Variants in PPARGC1A observed in about 807,000 individuals in gnomAD.
PPARGC1A encodes PPARG coactivator 1 alpha, also known as peroxisome proliferator-activated receptor gamma coactivator 1-alpha.
A neutral mutation model predicts 88.7 loss-of-function variants in PPARGC1A; 25 were observed. The observed-to-expected ratio is 0.28, with a 90% CI of 0.21 to 0.39. PPARGC1A has a LOEUF of 0.39. Ranked by LOEUF, PPARGC1A falls within the 10% of genes least tolerant of loss-of-function variation. PPARGC1A has a pLI of 1.00. For missense variants in PPARGC1A, 880 were observed against 968.7 expected (o/e 0.91, Z 1.22); for synonymous variants, 363 against 355.6 (o/e 1.02, Z -0.24).
the PPARGC1A span, among the ~76,000 whole-genome samples, chr4:24,233,395 C>T: frequency 6.6e-6 from 1 of 152,014 alleles, no homozygotes; most frequent in Non-Finnish European, 1.5e-5. Context: ...CTTCCTTCTT[C>T]TCCTTCTCTC....
At chr4:24,036,618 TAA>T in the PPARGC1A span, among the ~76,000 whole-genome samples, 5 of 147,676 alleles carry the variant, frequency 3.4e-5, no homozygotes, top group Admixed American at 1.3e-4. Flanking sequence ...CTTTTTGTAG[TAA>T]AAAAAAAAAG....
At chr4:24,271,778 C>T in the PPARGC1A span, among the ~76,000 whole-genome samples, 2 of 152,148 alleles carry the variant, frequency 1.3e-5, no homozygotes, top group Admixed American at 1.3e-4. Context: ...TAGTACCTAC[C>T]TTGGAGGGGT....
intron 2 of PPARGC1A, among the ~76,000 whole-genome samples, chr4:23,862,150 G>C (rs1203492879): frequency 6.6e-6 from 1 of 152,128 alleles, no homozygotes; most frequent in African/African-American, 2.4e-5. Flanking sequence ...TGGTCAGTAG[G>C]GCATGAACTG....
chr4:24,390,791 A>T, the PPARGC1A span, among the ~76,000 whole-genome samples: 1 of 151,972 alleles, frequency 6.6e-6, no homozygotes, highest in Non-Finnish European at 1.5e-5. Flanking sequence ...TAGTAAGTGG[A>T]TTCAAGAATG....
chr4:23,916,731 A>C, the PPARGC1A span, among the ~76,000 whole-genome samples: 1 of 152,196 alleles, frequency 6.6e-6, no homozygotes, highest in Non-Finnish European at 1.5e-5. Context: ...CCAATTTGTG[A>C]AAGTGCTTTG....
intron 12 of PPARGC1A, among the ~76,000 whole-genome samples, chr4:23,799,128 G>A (rs949626610): frequency 6.6e-6 from 1 of 152,108 alleles, no homozygotes; most frequent in Non-Finnish European, 1.5e-5. Flanking sequence ...TAACCCCTGA[G>A]TCCAGTATAT....
chr4:23,997,482 T>C, the PPARGC1A span, among the ~76,000 whole-genome samples: 59 of 148,416 alleles, frequency 4.0e-4, no homozygotes, highest in African/African-American at 1.4e-3. Context: ...AATAAATATA[T>C]ATGCCAAGAA....
chr4:24,468,950 T>C, the PPARGC1A span, among the ~76,000 whole-genome samples: 1 of 149,272 alleles, frequency 6.7e-6, no homozygotes, highest in Non-Finnish European at 1.5e-5. Context: ...TGAGAGCACA[T>C]CATATTGATC....
At chr4:24,411,240 T>C in the PPARGC1A span, among the ~76,000 whole-genome samples, 1 of 152,238 alleles carries the variant, frequency 6.6e-6, no homozygotes, top group African/African-American at 2.4e-5. Flanking sequence ...CCGACTGTCC[T>C]GGGTAACTAA....
the PPARGC1A span, among the ~76,000 whole-genome samples, chr4:24,248,812 G>A: frequency 8.6e-3 from 1,306 of 152,278 alleles, 41 homozygotes; most frequent in East Asian, 0.12. Flanking sequence ...GTGCCCTTCT[G>A]GGGGTTATAA....
At chr4:24,374,952 C>A in the PPARGC1A span, among the ~76,000 whole-genome samples, 2 of 150,118 alleles carry the variant, frequency 1.3e-5, no homozygotes, top group Non-Finnish European at 2.9e-5. Context: ...ATGTTTATAG[C>A]GGCATTATTA....
intron 2 of PPARGC1A, among the ~76,000 whole-genome samples, chr4:23,844,060 A>G (rs1347788764): frequency 6.6e-6 from 1 of 151,298 alleles, no homozygotes; most frequent in African/African-American, 2.4e-5. Flanking sequence ...AGTGCCTACT[A>G]TGTACTATAA....
At chr4:24,122,430 T>TAGAG in the PPARGC1A span, among the ~76,000 whole-genome samples, 9 of 140,618 alleles carry the variant, frequency 6.4e-5, no homozygotes, top group Admixed American at 4.9e-4. Context: ...TATATATATA[T>TAGAG]ATATATAGAG....
At chr4:23,944,506 T>C in the PPARGC1A span, among the ~76,000 whole-genome samples, 1 of 152,282 alleles carries the variant, frequency 6.6e-6, no homozygotes, top group African/African-American at 2.4e-5. Context: ...GTTAAATAAA[T>C]GAGTGTATCG....
the PPARGC1A span, among the ~76,000 whole-genome samples, chr4:24,427,349 C>T: frequency 6.7e-6 from 1 of 149,726 alleles, no homozygotes; most frequent in East Asian, 2.0e-4. Context: ...GATGTAATCT[C>T]AGCTCACTGC....
At chr4:24,029,833 C>T in the PPARGC1A span, among the ~76,000 whole-genome samples, 1 of 148,970 alleles carries the variant, frequency 6.7e-6, no homozygotes, top group Non-Finnish European at 1.5e-5. Flanking sequence ...CCAGAGAAAA[C>T]ATCTCAGTGG....
At chr4:24,460,912 T>C in the PPARGC1A span, among the ~76,000 whole-genome samples, 2 of 152,204 alleles carry the variant, frequency 1.3e-5, no homozygotes, top group Non-Finnish European at 1.5e-5. Flanking sequence ...TCTTCTGACA[T>C]TGTCAACAGA....
chr4:24,106,899 C>T, the PPARGC1A span, among the ~76,000 whole-genome samples: 1 of 152,188 alleles, frequency 6.6e-6, no homozygotes, highest in Non-Finnish European at 1.5e-5. Context: ...GCACAGAAAA[C>T]CCTTAGATCA....
the PPARGC1A span, among the ~76,000 whole-genome samples, chr4:24,436,951 G>C: frequency 1.3e-5 from 2 of 151,430 alleles, no homozygotes; most frequent in Middle Eastern, 3.4e-3. Flanking sequence ...GCACCCAGGA[G>C]TGTCTGGCGG....
Sources: gnomAD v4.1 joint callset for allele counts (sites outside exome capture counted in the v4.1 genomes callset) on GRCh38, gnomAD v4.1.1 for gene constraint, MANE v1.5 for transcripts, NCBI Gene and HGNC (gene_info 2026-07-23, HGNC 2026-07-21) for gene names.